DNAAF4: variants seen among roughly 807,000 people sequenced by gnomAD.
DNAAF4 encodes dynein axonemal assembly factor 4, also known as dynein assembly factor 4, axonemal.
Under a neutral mutation model 51.8 loss-of-function variants are expected in DNAAF4, and 43 were observed. The observed-to-expected ratio is 0.83, with a 90% CI of 0.65 to 1.07. The LOEUF is 1.07. Among genes scored for constraint, DNAAF4 ranks in the 50% least tolerant of loss-of-function variants. The pLI is 0.00. For missense variants in DNAAF4, 581 were observed against 493.0 expected (o/e 1.18, Z -1.69); for synonymous variants, 194 against 165.6 (o/e 1.17, Z -1.32).
intron 4 of DNAAF4, among the ~76,000 whole-genome samples, chr15:55,489,242 T>C (rs183077009): frequency 2.0e-5 from 3 of 152,326 alleles, no homozygotes; most frequent in East Asian, 3.9e-4. Context: ...ACAAATTCTA[T>C]ATTAATTTTT....
At chr15:55,500,166 C>T (rs535085998) in intron 1 of DNAAF4, among the ~76,000 whole-genome samples, 143 of 152,206 alleles carry the variant, frequency 9.4e-4, no homozygotes, top group Non-Finnish European at 1.8e-3. Context: ...AATTTCAATG[C>T]TCCTTAGAAA....
In DNAAF4 at chr15:55,439,496, G is replaced by A. The variant is rs2057672241; in HGVS notation, c.869C>T (p.Pro290Leu). 1 of 1,613,694 alleles carries A rather than the reference G, an allele frequency of 6.2e-7. No homozygotes were observed. Among genetic ancestry groups the A allele is most frequent in the Admixed American group, 1.7e-5 (1 of 59,974 alleles). The change falls in exon 7 of 10, where the codon CCA becomes CTA. Residue 290 changes from proline (P) to leucine (L), a missense_variant. Coordinates refer to ENST00000321149, the MANE Select transcript of DNAAF4 (RefSeq NM_130810.4). Reference sequence around the variant, plus strand: ...CTTTCCTTTATCCTTCAACCATTCTGGGTTCTTTTCTTCTTCTTTTAAATC... The same window carrying A: ...CTTTCCTTTATCCTTCAACCATTCTAGGTTCTTTTCTTCTTCTTTTAAATC... ...LCDLKEEEKN[P>L]EWLKDKGNKL...
chr15:55,428,502 T>C (rs1319508012), downstream of DNAAF4, among the ~76,000 whole-genome samples: 2 of 138,076 alleles, frequency 1.4e-5, no homozygotes, highest in East Asian at 2.1e-4. Flanking sequence ...TTTTTTTTTT[T>C]TTTTTTTTTT....
At chr15:55,467,555 A>ACACG (rs2058188155) in intron 4 of DNAAF4, among the ~76,000 whole-genome samples, 1 of 151,770 alleles carries the variant, frequency 6.6e-6, no homozygotes, top group Non-Finnish European at 1.5e-5. Flanking sequence ...ACACACACAC[A>ACACG]CACACACACA....
downstream of DNAAF4, among the ~76,000 whole-genome samples, chr15:55,428,686 G>C (rs955924355): frequency 6.7e-6 from 1 of 149,864 alleles, no homozygotes; most frequent in Non-Finnish European, 1.5e-5. Context: ...AGTGGAGAGG[G>C]GGGTTTCACC....
At chr15:55,472,889 G>C (rs958866809) in intron 4 of DNAAF4, among the ~76,000 whole-genome samples, 1 of 151,942 alleles carries the variant, frequency 6.6e-6, no homozygotes, top group African/African-American at 2.4e-5. Flanking sequence ...AACTCAGCCC[G>C]GCATGGAGGC....
chr15:55,436,114 A>G (rs2057605762), intron 7 of DNAAF4, among the ~76,000 whole-genome samples: 1 of 152,118 alleles, frequency 6.6e-6, no homozygotes, highest in South Asian at 2.1e-4. Flanking sequence ...GGGAACCACA[A>G]TAGTGTTTTC....
intron 5 of DNAAF4, among the ~76,000 whole-genome samples, chr15:55,465,974 T>A (rs2058166207): frequency 6.6e-6 from 1 of 152,118 alleles, no homozygotes; most frequent in Non-Finnish European, 1.5e-5. Context: ...GATAAAAGAC[T>A]ACACATTGGG....
At chr15:55,473,251 GTA>G (rs1363207603) in intron 4 of DNAAF4, among the ~76,000 whole-genome samples, 2 of 127,366 alleles carry the variant, frequency 1.6e-5, no homozygotes, top group South Asian at 2.5e-4. Context: ...ATATGTGTGT[GTA>G]TATATATGTG....
intron 5 of DNAAF4, among the ~76,000 whole-genome samples, chr15:55,453,842 G>A (rs1374097258): frequency 6.6e-6 from 1 of 151,836 alleles, no homozygotes; most frequent in South Asian, 2.1e-4. Flanking sequence ...GAGCCACAGC[G>A]CCTGGCCAAA....
intron 5 of DNAAF4, among the ~76,000 whole-genome samples, chr15:55,456,276 T>A (rs777962599): frequency 2.6e-5 from 4 of 152,030 alleles, no homozygotes; most frequent in Non-Finnish European, 5.9e-5. Flanking sequence ...GAGACAGGGT[T>A]TCTCCATGTT....
downstream of DNAAF4, among the ~76,000 whole-genome samples, chr15:55,427,799 C>G (rs779551789): frequency 1.3e-5 from 2 of 151,878 alleles, no homozygotes; most frequent in Non-Finnish European, 2.9e-5. Flanking sequence ...CCAGGTCCAG[C>G]TAATTTTGTA....
chr15:55,463,172 T>TCACACACACACACACA (rs3221985), intron 5 of DNAAF4, among the ~76,000 whole-genome samples: 6 of 140,288 alleles, frequency 4.3e-5, no homozygotes, highest in African/African-American at 1.4e-4. Context: ...AGACTCTGTC[T>TCACACACACACACACA]CACACACACA....
intron 4 of DNAAF4, among the ~76,000 whole-genome samples, chr15:55,467,452 G>C (rs1473628866): frequency 6.6e-6 from 1 of 151,732 alleles, no homozygotes; most frequent in Non-Finnish European, 1.5e-5. Flanking sequence ...GTAAAATGTG[G>C]GCAGGCATTC....
chr15:55,497,309 T>C (rs2058653604), intron 3 of DNAAF4, among the ~76,000 whole-genome samples: 1 of 152,152 alleles, frequency 6.6e-6, no homozygotes, highest in Admixed American at 6.6e-5. Context: ...AAGGAAAGTC[T>C]ATCTGGCCGG....
At chr15:55,484,504 A>T (rs1020351039) in intron 4 of DNAAF4, among the ~76,000 whole-genome samples, 1 of 151,584 alleles carries the variant, frequency 6.6e-6, no homozygotes, top group Non-Finnish European at 1.5e-5. Context: ...AAAAAAAAAA[A>T]CAGAATTACC....
intron 1 of DNAAF4, among the ~76,000 whole-genome samples, chr15:55,503,808 A>T (rs1567038947): frequency 6.6e-6 from 1 of 152,162 alleles, no homozygotes; most frequent in Non-Finnish European, 1.5e-5. Flanking sequence ...AGGAACCCAC[A>T]GCCAATATCA....
chr15:55,453,533 GA>G (rs1319160263), intron 5 of DNAAF4, among the ~76,000 whole-genome samples: 5 of 127,452 alleles, frequency 3.9e-5, no homozygotes, highest in Admixed American at 1.6e-4. Context: ...AGAGAGGTGT[GA>G]AAAAAAAACA....
Position 55,450,126 on chromosome 15 carries a change from A to G in DNAAF4, c.783+96T>C, listed in dbSNP as rs187530029. 85 of 1,308,958 alleles carry G rather than the reference A, an allele frequency of 6.5e-5. No individual in the cohort carries two copies. The African/African-American group carries it at 1.1e-3, about 17-fold the overall frequency. The allele number at this position is 1,308,958 out of a possible 1,614,324, so 81.1% of individuals were successfully genotyped here. On this transcript the variant is annotated intron_variant, in intron 6 of 9. Coordinates refer to ENST00000321149, the MANE Select transcript of DNAAF4 (RefSeq NM_130810.4). ...ACGTTATTTCTTTAGTGTAATAAAT[A>G]CTTAAGAAATTCAGAACCAGTACTA...
Sources: allele counts gnomAD v4.1 joint callset (sites outside exome capture counted in the v4.1 genomes callset), GRCh38; gene constraint gnomAD v4.1.1; transcripts MANE v1.5; gene names NCBI Gene and HGNC (gene_info 2026-07-23, HGNC 2026-07-21).